Variants in PLCB4 observed in about 807,000 individuals in gnomAD.
PLCB4 encodes the protein phospholipase C beta 4, also known as 1-phosphatidylinositol 4,5-bisphosphate phosphodiesterase beta-4.
PLCB4 carries 77 observed loss-of-function variants against 178.8 expected under a neutral mutation model. The ratio of observed to expected loss-of-function variants is 0.43; its 90% CI spans 0.36 to 0.52. The LOEUF (loss-of-function observed/expected upper bound fraction) is 0.52, where lower values mean the gene tolerates loss of function less well. PLCB4 is among the 20% of genes least tolerant of loss of function. The pLI is 0.00. For synonymous variants in PLCB4, 496 were observed against 490.8 expected, an observed-to-expected ratio of 1.01 and a Z score of -0.14; for missense variants, 1,024 against 1,453.4, an observed-to-expected ratio of 0.70 and a Z score of 4.80.
intron 3 of PLCB4, among the ~76,000 whole-genome samples, chr20:9,306,329 A>G (rs1436809515): frequency 6.6e-6 from 1 of 150,752 alleles, no homozygotes; most frequent in Non-Finnish European, 1.5e-5. Context: ...CTGGTCTTGA[A>G]CTCCTGACCT....
chr20:9,293,622 T>TATTCATTCATTC (rs4053132), intron 3 of PLCB4, among the ~76,000 whole-genome samples: 53,837 of 150,674 alleles, frequency 0.36, 10,668 homozygotes, highest in Middle Eastern at 0.48. Flanking sequence ...CAGAGTAAAA[T>TATTCATTCATTC]ATTCATTCAT....
At chr20:9,224,985 T>G (rs1365942352) in intron 3 of PLCB4, among the ~76,000 whole-genome samples, 3 of 152,182 alleles carry the variant, frequency 2.0e-5, no homozygotes, top group Non-Finnish European at 4.4e-5. Flanking sequence ...TACTTTCAAC[T>G]GGAAAAGATT....
intron 38 of PLCB4, 112 bp from the exon 39 acceptor site, chr20:9,476,605 C>T: frequency 1.4e-5 from 10 of 733,598 alleles, no homozygotes; most frequent in Admixed American, 4.4e-5. Flanking sequence ...TAGCTTTTTG[C>T]TTTTCTGTAT....
At chr20:9,474,771 G>C (rs1166119151) in intron 38 of PLCB4, among the ~76,000 whole-genome samples, 1 of 152,168 alleles carries the variant, frequency 6.6e-6, no homozygotes, top group Non-Finnish European at 1.5e-5. Flanking sequence ...TTACTTTTTG[G>C]TGGACAGAAA....
At chr20:9,134,126 C>A (rs1256278685) in intron 2 of PLCB4, among the ~76,000 whole-genome samples, 2 of 152,128 alleles carry the variant, frequency 1.3e-5, no homozygotes, top group Non-Finnish European at 2.9e-5. Flanking sequence ...CATCTGGGTT[C>A]CTCAAAAAAT....
chr20:9,452,827 AG>A (rs2042844954), intron 32 of PLCB4, among the ~76,000 whole-genome samples: 1 of 152,212 alleles, frequency 6.6e-6, no homozygotes, highest in Non-Finnish European at 1.5e-5. Context: ...TGACAAACAC[AG>A]TGATGCCTCT....
At chr20:9,291,928 T>C (rs998471425) in intron 3 of PLCB4, among the ~76,000 whole-genome samples, 2 of 152,208 alleles carry the variant, frequency 1.3e-5, no homozygotes, top group African/African-American at 2.4e-5. Context: ...TTTATCCTCT[T>C]CTTATGACTC....
chr20:9,286,140 A>T (rs1417452456), intron 3 of PLCB4, among the ~76,000 whole-genome samples: 1 of 152,002 alleles, frequency 6.6e-6, no homozygotes, highest in Non-Finnish European at 1.5e-5. Flanking sequence ...ATCTTGTGTA[A>T]GTATGTGTGT....
At chr20:9,296,742 A>G (rs1312180094) in intron 3 of PLCB4, among the ~76,000 whole-genome samples, 1 of 152,100 alleles carries the variant, frequency 6.6e-6, no homozygotes, top group Non-Finnish European at 1.5e-5. Context: ...ATCATTTTCA[A>G]CAAACTATTG....
intron 36 of PLCB4, among the ~76,000 whole-genome samples, chr20:9,470,879 A>G (rs2122639871): frequency 6.6e-6 from 1 of 152,348 alleles, no homozygotes; most frequent in East Asian, 1.9e-4. Flanking sequence ...GTTCCAAAAT[A>G]TCTACAAATT....
chr20:9,383,229 G>C (rs963973729), intron 13 of PLCB4, among the ~76,000 whole-genome samples: 1 of 152,110 alleles, frequency 6.6e-6, no homozygotes, highest in African/African-American at 2.4e-5. Flanking sequence ...TTATCTATCT[G>C]GTATGGAATG....
chr20:9,079,437 G>T (rs570358065), intron 1 of PLCB4, among the ~76,000 whole-genome samples: 1 of 152,316 alleles, frequency 6.6e-6, no homozygotes, highest in South Asian at 2.1e-4. Flanking sequence ...GACCCCGTCT[G>T]CCTGTAATAT....
At chr20:9,208,542 T>G (rs867015374) in intron 2 of PLCB4, among the ~76,000 whole-genome samples, 1 of 152,144 alleles carries the variant, frequency 6.6e-6, no homozygotes, top group Middle Eastern at 3.4e-3. Flanking sequence ...TTACTTTTTT[T>G]TTTTTCTTTT....
intron 1 of PLCB4, among the ~76,000 whole-genome samples, chr20:9,090,187 G>C (rs1036542258): frequency 1.3e-5 from 2 of 151,574 alleles, no homozygotes; most frequent in Admixed American, 1.3e-4. Context: ...GAGAAAAACT[G>C]TGAGTGTTAT....
At chr20:9,289,686 T>C (rs1239977962) in intron 3 of PLCB4, among the ~76,000 whole-genome samples, 1 of 152,106 alleles carries the variant, frequency 6.6e-6, no homozygotes, top group Non-Finnish European at 1.5e-5. Context: ...GAGTGTTTTT[T>C]TACTTGAAAT....
intron 2 of PLCB4, among the ~76,000 whole-genome samples, chr20:9,124,947 A>G (rs902270531): frequency 2.0e-5 from 3 of 152,214 alleles, no homozygotes; most frequent in African/African-American, 7.2e-5. Context: ...ATAAGGAAAT[A>G]AAATAGTTAC....
chr20:9,404,277 A>T (rs1056507393), intron 20 of PLCB4, among the ~76,000 whole-genome samples: 2 of 152,170 alleles, frequency 1.3e-5, no homozygotes, highest in East Asian at 3.9e-4. Flanking sequence ...AAGACAGTGG[A>T]TGAAGATGCA....
intron 13 of PLCB4, among the ~76,000 whole-genome samples, chr20:9,382,564 G>A (rs1480410991): frequency 2.6e-5 from 4 of 152,114 alleles, no homozygotes; most frequent in East Asian, 1.9e-4. Context: ...ATGTTGGCAC[G>A]CATACATCTG....
intron 7 of PLCB4, among the ~76,000 whole-genome samples, chr20:9,344,142 C>T (rs957536915): frequency 6.6e-6 from 1 of 152,178 alleles, no homozygotes; most frequent in Non-Finnish European, 1.5e-5. Context: ...ACCTCCCTTC[C>T]CCTTTCTACC....
Sources: gnomAD v4.1 joint callset for allele counts (sites outside exome capture counted in the v4.1 genomes callset) on GRCh38, gnomAD v4.1.1 for gene constraint, MANE v1.5 for transcripts, NCBI Gene and HGNC (gene_info 2026-07-23, HGNC 2026-07-21) for gene names.